LINGO2: variants seen among roughly 807,000 people sequenced by gnomAD.
LINGO2 encodes the protein leucine rich repeat and Ig domain containing 2.
In LINGO2, 14 loss-of-function variants were observed where a neutral mutation model predicts 30.6. The observed-to-expected ratio is 0.46, with a 90% CI of 0.30 to 0.72. LINGO2 has a LOEUF of 0.72. Among genes scored for constraint, LINGO2 ranks in the 30% least tolerant of loss-of-function variants. The pLI is 0.07. For synonymous variants in LINGO2, 317 were observed against 288.5 expected (o/e 1.10, Z -1.00); for missense variants, 729 against 751.7 (o/e 0.97, Z 0.35).
At chr9:28,183,822 C>A (rs1819445147) in intron 4 of LINGO2, among the ~76,000 whole-genome samples, 1 of 152,118 alleles carries the variant, frequency 6.6e-6, no homozygotes, top group African/African-American at 2.4e-5. Context: ...AGCTAAGGCC[C>A]AAGAAGACAA....
At chr9:28,630,057 T>A in intron 1 of LINGO2, among the ~76,000 whole-genome samples, 1 of 151,922 alleles carries the variant, frequency 6.6e-6, no homozygotes, top group Non-Finnish European at 1.5e-5. Flanking sequence ...TTACTGAGAA[T>A]GATGATTTCC....
chr9:28,850,830 G>A, the LINGO2 span, among the ~76,000 whole-genome samples: 4 of 152,114 alleles, frequency 2.6e-5, no homozygotes, highest in Middle Eastern at 0.01. Context: ...GTTGTGAGAA[G>A]AGAGGAACAC....
chr9:28,379,624 C>G (rs141953608), intron 2 of LINGO2, among the ~76,000 whole-genome samples: 21 of 152,070 alleles, frequency 1.4e-4, no homozygotes, highest in Non-Finnish European at 2.1e-4. Flanking sequence ...ACAGGAAATG[C>G]GATGTGCCTC....
chr9:29,079,416 A>C, the LINGO2 span, among the ~76,000 whole-genome samples: 2 of 152,000 alleles, frequency 1.3e-5, no homozygotes, highest in Non-Finnish European at 1.5e-5. Flanking sequence ...TGTCTATAAA[A>C]TAGGTCAGTG....
the LINGO2 span, among the ~76,000 whole-genome samples, chr9:28,801,509 G>A: frequency 1.3e-5 from 2 of 151,990 alleles, no homozygotes; most frequent in Non-Finnish European, 2.9e-5. Flanking sequence ...TCAAAATTAA[G>A]GGTAGCTAGA....
the LINGO2 span, among the ~76,000 whole-genome samples, chr9:29,207,126 TAGAC>T: frequency 3.3e-5 from 5 of 151,556 alleles, no homozygotes; most frequent in South Asian, 2.1e-4. Context: ...TCTATATACA[TAGAC>T]AGAATATATA....
the LINGO2 span, among the ~76,000 whole-genome samples, chr9:28,841,706 G>A: frequency 2.0e-5 from 3 of 151,550 alleles, no homozygotes; most frequent in African/African-American, 7.3e-5. Context: ...AACAGAGAAG[G>A]TAAAAAAGAT....
At chr9:28,048,208 G>C (rs1230523415) in intron 4 of LINGO2, among the ~76,000 whole-genome samples, 1 of 150,800 alleles carries the variant, frequency 6.6e-6, no homozygotes, top group Non-Finnish European at 1.5e-5. Flanking sequence ...AAGTGTTAGA[G>C]GCATGCCTTA....
chr9:28,551,860 T>C (rs535896393), intron 1 of LINGO2, among the ~76,000 whole-genome samples: 1 of 152,078 alleles, frequency 6.6e-6, no homozygotes, highest in South Asian at 2.1e-4. Context: ...CATTATGTCA[T>C]ATCATGGTTT....
intron 4 of LINGO2, among the ~76,000 whole-genome samples, chr9:28,117,771 G>GCGGAC: frequency 6.7e-6 from 1 of 148,774 alleles, no homozygotes; most frequent in East Asian, 2.0e-4. Context: ...GCTTCGGCTC[G>GCGGAC]CGGACGGTGC....
At chr9:29,134,332 A>G in the LINGO2 span, among the ~76,000 whole-genome samples, 2 of 152,302 alleles carry the variant, frequency 1.3e-5, no homozygotes, top group East Asian at 3.9e-4. Flanking sequence ...TCTCTCACAC[A>G]TTATAATTAC....
intron 5 of LINGO2, among the ~76,000 whole-genome samples, chr9:27,969,048 T>A (rs912697892): frequency 6.6e-6 from 1 of 151,972 alleles, no homozygotes; most frequent in Admixed American, 6.6e-5. Context: ...ACATGCTAAT[T>A]ATCCTCTTCT....
chr9:28,828,757 C>G, the LINGO2 span, among the ~76,000 whole-genome samples: 1 of 152,116 alleles, frequency 6.6e-6, no homozygotes, highest in Non-Finnish European at 1.5e-5. Context: ...GAAAATCATG[C>G]CAAATGCAGA....
intron 1 of LINGO2, among the ~76,000 whole-genome samples, chr9:28,631,332 C>T (rs982391560): frequency 3.3e-5 from 5 of 149,942 alleles, no homozygotes; most frequent in South Asian, 2.2e-4. Flanking sequence ...TGACAGGCTC[C>T]GGTGTGTGAT....
At chr9:28,679,057 G>A in the LINGO2 span, among the ~76,000 whole-genome samples, 1 of 151,974 alleles carries the variant, frequency 6.6e-6, no homozygotes, top group South Asian at 2.1e-4. Flanking sequence ...GGAAAATTTT[G>A]ATATTGTGTT....
At chr9:28,041,270 G>C (rs564312651) in intron 4 of LINGO2, among the ~76,000 whole-genome samples, 1 of 152,244 alleles carries the variant, frequency 6.6e-6, no homozygotes, top group Non-Finnish European at 1.5e-5. Context: ...AAGAATTCTG[G>C]ACCAGGGTCC....
the LINGO2 span, among the ~76,000 whole-genome samples, chr9:28,743,789 T>G: frequency 6.6e-6 from 1 of 151,876 alleles, no homozygotes; most frequent in Admixed American, 6.6e-5. Context: ...TGTATCTGCC[T>G]ATGGATCTCT....
chr9:28,686,524 A>T, the LINGO2 span, among the ~76,000 whole-genome samples: 2 of 152,016 alleles, frequency 1.3e-5, no homozygotes, highest in Admixed American at 1.3e-4. Flanking sequence ...CTCAAGTAAG[A>T]TTTCATTTCA....
chr9:28,114,711 T>C (rs1288329513), intron 4 of LINGO2, among the ~76,000 whole-genome samples: 6 of 116,970 alleles, frequency 5.1e-5, no homozygotes, highest in African/African-American at 1.0e-4. Flanking sequence ...GAGGTGTTTG[T>C]AGTATTCTCT....
Sources: allele counts gnomAD v4.1 joint callset (sites outside exome capture counted in the v4.1 genomes callset), GRCh38; gene constraint gnomAD v4.1.1; transcripts MANE v1.5; gene names NCBI Gene and HGNC (gene_info 2026-07-23, HGNC 2026-07-21).